Variants in GPD1L observed in about 807,000 individuals in gnomAD.
The protein encoded by GPD1L is glycerol-3-phosphate dehydrogenase 1 like.
A neutral mutation model predicts 32.9 loss-of-function variants in GPD1L; 17 were observed. The observed-to-expected ratio is 0.52, with a 90% CI of 0.35 to 0.78. The LOEUF (loss-of-function observed/expected upper bound fraction) is 0.78, where lower values mean the gene tolerates loss of function less well. GPD1L is among the 30% of genes least tolerant of loss of function. The pLI, the probability that GPD1L is intolerant of heterozygous loss-of-function variation, is 0.01. For missense variants in GPD1L, 361 were observed against 447.8 expected (o/e 0.81, Z 1.75); for synonymous variants, 187 against 165.9 (o/e 1.13, Z -0.98).
Position 32,106,808 on chromosome 3 carries a change from C to A in GPD1L, c.47+50C>A. 1 of 1,527,934 alleles carries A rather than the reference C, an allele frequency of 6.5e-7. No individual in the cohort carries two copies. Among genetic ancestry groups the A allele is most frequent in the Non-Finnish European group, 8.8e-7 (1 of 1,135,482 alleles). 94.6% of individuals were successfully genotyped at this position (1,527,934 alleles called of 1,614,324 possible). Reference sequence around the variant, plus strand: ...GGGGCTCCGCTTCCAGGAAGCGCCTCTCCCGGGCGGTGAGGGCTGCGCGCC... The same window carrying A: ...GGGGCTCCGCTTCCAGGAAGCGCCTATCCCGGGCGGTGAGGGCTGCGCGCC... On this transcript the variant is annotated intron_variant, in intron 1 of 7. Transcript: ENST00000282541. The surrounding 1 kb of genome is among the most constrained non-coding windows in gnomAD (Gnocchi z 4.0).
chr3:32,150,588 G>A (rs1022428878), intron 5 of GPD1L, among the ~76,000 whole-genome samples: 1 of 151,846 alleles, frequency 6.6e-6, no homozygotes, highest in Admixed American at 6.6e-5. Context: ...CCAGGTTCAA[G>A]GAATTCTCAT....
intron 1 of GPD1L, among the ~76,000 whole-genome samples, chr3:32,120,162 A>G (rs1700389315): frequency 6.6e-6 from 1 of 152,158 alleles, no homozygotes; most frequent in Admixed American, 6.5e-5. Context: ...TACTAAAAAT[A>G]CAAAATTTAG....
chr3:32,142,342 C>T (rs1350237203), intron 4 of GPD1L, among the ~76,000 whole-genome samples: 1 of 152,132 alleles, frequency 6.6e-6, no homozygotes, highest in Non-Finnish European at 1.5e-5. Flanking sequence ...TGGTCTTGAT[C>T]TCCTGACCTC....
At chr3:32,107,022 C>A (rs1700174663) in intron 1 of GPD1L, among the ~76,000 whole-genome samples, 1 of 152,210 alleles carries the variant, frequency 6.6e-6, no homozygotes. Context: ...CTGTCTGCGC[C>A]CCCGTTACTG....
intron 7 of GPD1L, among the ~76,000 whole-genome samples, chr3:32,160,283 G>A (rs61215455): frequency 0.21 from 14,565 of 69,810 alleles, 1,373 homozygotes; most frequent in East Asian, 0.4. Context: ...GGGTGCATGG[G>A]TAGATGGGTG....
At chr3:32,149,590 C>T (rs1397712910) in intron 5 of GPD1L, among the ~76,000 whole-genome samples, 2 of 152,194 alleles carry the variant, frequency 1.3e-5, no homozygotes, top group East Asian at 3.8e-4. Flanking sequence ...CCTTCATGAA[C>T]TCTTAGCTGT....
At chr3:32,154,150 T>C (rs1700956363) in intron 5 of GPD1L, among the ~76,000 whole-genome samples, 1 of 152,140 alleles carries the variant, frequency 6.6e-6, no homozygotes, top group Non-Finnish European at 1.5e-5. Context: ...TCAAGATCTG[T>C]CATAAGGCGA....
chr3:32,138,593 A>G lies in GPD1L; in HGVS notation c.232A>G (p.Met78Val), dbSNP rs762018216. ...CTCTGCCTTTTGGTTGCAGGTTGCC[A>G]TGTCAAATCTTAGCGAGGCTGTGCA... The part of the protein sequence containing the change: ...GHKLPENVVA[M>V]SNLSEAVQDA... The change falls in exon 3 of 8, where the codon ATG becomes GTG. Residue 78 changes from methionine to valine, a missense_variant. Physicochemically the swap from Met to Val is conservative, Grantham distance 21. Coordinates refer to ENST00000282541, the MANE Select transcript of GPD1L (RefSeq NM_015141.4). The G allele has an allele frequency of 2.5e-6, 4 of 1,614,102 alleles. No individual in the cohort carries two copies. The highest frequency in any genetic ancestry group is 2.7e-5 in the African/African-American group (2 of 75,058).
At chr3:32,145,136 T>C (rs1332329193) in intron 4 of GPD1L, among the ~76,000 whole-genome samples, 1 of 151,836 alleles carries the variant, frequency 6.6e-6, no homozygotes, top group Non-Finnish European at 1.5e-5. Context: ...CTGGCCAACA[T>C]GGCGAAACCC....
chr3:32,132,835 T>C (rs1441582331), intron 2 of GPD1L, among the ~76,000 whole-genome samples: 1 of 152,138 alleles, frequency 6.6e-6, no homozygotes, highest in Non-Finnish European at 1.5e-5. Context: ...ATCCAGGCGA[T>C]GGATAGCTAT....
In GPD1L at chr3:32,168,090, T is replaced by A. The variant is rs1181314543; in HGVS notation, c.*2180T>A. On this transcript the variant is annotated 3_prime_UTR_variant, in exon 8 of 8. Coordinates refer to ENST00000282541, the MANE Select transcript of GPD1L (RefSeq NM_015141.4). ...TGCGTATTTTCATCTGCATTCAGCT[T>A]CTTACTCTGGGTTTGTACTCGAGTG... 2 of 152,214 alleles carry A rather than the reference T, an allele frequency of 1.3e-5. No individual in the cohort carries two copies. The highest frequency in any genetic ancestry group is 4.8e-5 in the African/African-American group (2 of 41,452). 9.4% of individuals were successfully genotyped at this position (152,214 alleles called of 1,614,324 possible).
intron 2 of GPD1L, among the ~76,000 whole-genome samples, chr3:32,137,261 A>T (rs1700676127): frequency 6.6e-6 from 1 of 152,152 alleles, no homozygotes; most frequent in African/African-American, 2.4e-5. Flanking sequence ...ATGACAGAAA[A>T]CCTAAAATAA....
intron 2 of GPD1L, among the ~76,000 whole-genome samples, chr3:32,131,241 C>A (rs1255527131): frequency 6.6e-6 from 1 of 152,136 alleles, no homozygotes; most frequent in Non-Finnish European, 1.5e-5. Context: ...CATCTCCTGC[C>A]TCCTTTTTAA....
Position 32,158,882 on chromosome 3 carries a change from G to A in GPD1L, c.625G>A (p.Val209Ile), listed in dbSNP as rs1261937304. 15 of 1,613,838 alleles carry A rather than the reference G, an allele frequency of 9.3e-6. No homozygotes were observed. Among genetic ancestry groups the A allele is most frequent in the East Asian group, 2.2e-5 (1 of 44,896 alleles). Reference protein sequence around the residue: ...VELCGALKNIVAVGAGFCDGL... With the variant: ...VELCGALKNIIAVGAGFCDGL... Reference sequence around the variant, plus strand: ...TTTGTCATCTCCTTTGCAGAACATCGTAGCTGTGGGAGCTGGGTTCTGCGA... The same window carrying A: ...TTTGTCATCTCCTTTGCAGAACATCATAGCTGTGGGAGCTGGGTTCTGCGA... Residue 209 changes from valine to isoleucine, a missense_variant, in exon 6 of 8, where the codon GTA (valine) becomes ATA (isoleucine). Physicochemically the swap from Val to Ile is conservative, Grantham distance 29 (BLOSUM62 3). Coordinates refer to ENST00000282541, the MANE Select transcript of GPD1L (RefSeq NM_015141.4).
intron 2 of GPD1L, among the ~76,000 whole-genome samples, chr3:32,130,130 C>CT (rs932682243): frequency 6.6e-6 from 1 of 152,012 alleles, no homozygotes; most frequent in African/African-American, 2.4e-5. Context: ...GGAGCCTGTG[C>CT]TGCGAACAGG....
At position 32,125,282 on chromosome 3, in the gene GPD1L, T is replaced by C. The variant is rs142431067; in HGVS notation, c.48-2794T>C. Among the ~76,000 whole-genome samples the C allele has an allele frequency of 3.2e-3, 480 of 152,306 alleles. 3 individuals carry two copies. The highest frequency in any genetic ancestry group is 0.011 in the African/African-American group (456 of 41,554). On this transcript the variant is annotated intron_variant, in intron 1 of 7. Transcript: ENST00000282541. ...GCTGTATTTATGCATCTATCAGCTT[T>C]TGCTGCAACACAGCCCACTCTCCCC...
At chr3:32,134,833 A>G (rs1700642246) in intron 2 of GPD1L, among the ~76,000 whole-genome samples, 1 of 152,202 alleles carries the variant, frequency 6.6e-6, no homozygotes, top group African/African-American at 2.4e-5. Context: ...CGATTTCTTA[A>G]AAGTTAAGGA....
chr3:32,135,749 C>T (rs1251348952), intron 2 of GPD1L, among the ~76,000 whole-genome samples: 3 of 152,166 alleles, frequency 2.0e-5, no homozygotes, highest in Non-Finnish European at 4.4e-5. Flanking sequence ...AGCATGGCGC[C>T]CAGCCTTCAT....
At chr3:32,163,745 T>C (rs190754458) in intron 7 of GPD1L, among the ~76,000 whole-genome samples, 1 of 152,354 alleles carries the variant, frequency 6.6e-6, no homozygotes, top group East Asian at 1.9e-4. Context: ...GAAATTTCTC[T>C]TCCACACACT....
Sources: gnomAD v4.1 joint callset for allele counts (sites outside exome capture counted in the v4.1 genomes callset) on GRCh38, gnomAD v4.1.1 for gene constraint, Gnocchi (gnomAD v3.1) non-coding constraint, MANE v1.5 for transcripts, NCBI Gene and HGNC (gene_info 2026-07-23, HGNC 2026-07-21) for gene names.